The following LIMK1 variants were observed in gnomAD, a reference collection of about 807,000 sequenced individuals.
LIMK1 encodes the protein LIM motif-containing protein kinase.
A neutral mutation model predicts 77.6 loss-of-function variants in LIMK1; 21 were observed. The observed-to-expected ratio is 0.27, with a 90% confidence interval of 0.19 to 0.39. LIMK1 has a LOEUF of 0.39. LIMK1 is among the 10% of genes least tolerant of loss of function. LIMK1 has a pLI of 1.00. For missense variants in LIMK1, 696 were observed against 901.6 expected, an observed-to-expected ratio of 0.77 and a Z score of 2.92; for synonymous variants, 358 against 370.0, an observed-to-expected ratio of 0.97 and a Z score of 0.37.
chr7:74,095,062 A>G (rs1799312997), intron 2 of LIMK1, among the ~76,000 whole-genome samples: 1 of 152,122 alleles, frequency 6.6e-6, no homozygotes, highest in African/African-American at 2.4e-5. Flanking sequence ...CCTCAACCCC[A>G]GTTCCCTAGT....
At chr7:74,106,014 G>A (rs539393797) in intron 6 of LIMK1, 34 bp downstream of exon 6, 9 of 1,612,630 alleles carry the variant, frequency 5.6e-6, no homozygotes, top group Admixed American at 3.3e-5. Context: ...AGGACGGGAG[G>A]TAGTGCCTTC....
At chr7:74,108,065 G>C (rs892704595) in intron 9 of LIMK1, 108 bp downstream of exon 9, 1 of 802,814 alleles carries the variant, frequency 1.2e-6, no homozygotes, top group African/African-American at 1.7e-5. Context: ...AAAGAAGAGC[G>C]AGCAGGCCAG....
intron 2 of LIMK1, among the ~76,000 whole-genome samples, chr7:74,092,190 T>C (rs913728297): frequency 6.6e-6 from 1 of 151,962 alleles, no homozygotes; most frequent in Admixed American, 6.6e-5. Flanking sequence ...GGCCTCAAAC[T>C]CCTGACCTCA....
chr7:74,116,213 G>A (rs1304022829), intron 13 of LIMK1, among the ~76,000 whole-genome samples: 1 of 152,192 alleles, frequency 6.6e-6, no homozygotes, highest in African/African-American at 2.4e-5. Context: ...AGCCAACATG[G>A]TGAAACCCCC....
intron 14 of LIMK1, 78 bp downstream of exon 14, chr7:74,120,716 G>C: frequency 1.3e-6 from 2 of 1,568,608 alleles, no homozygotes; most frequent in Non-Finnish European, 1.8e-6. Context: ...CTCAGCATCT[G>C]CAGGGGCCTC....
intron 2 of LIMK1, among the ~76,000 whole-genome samples, chr7:74,095,368 G>T (rs547981325): frequency 6.6e-6 from 1 of 152,166 alleles, no homozygotes; most frequent in African/African-American, 2.4e-5. Flanking sequence ...ACCCAGGGGG[G>T]CACATGTGTG....
chr7:74,084,560 C>T (rs1006891119), intron 1 of LIMK1, among the ~76,000 whole-genome samples: 1 of 152,116 alleles, frequency 6.6e-6, no homozygotes, highest in Non-Finnish European at 1.5e-5. Context: ...TGATTGGGGG[C>T]CAGATGGGTA....
At chr7:74,084,568 G>C (rs1238834915) in intron 1 of LIMK1, among the ~76,000 whole-genome samples, 1 of 152,154 alleles carries the variant, frequency 6.6e-6, no homozygotes, top group African/African-American at 2.4e-5. Flanking sequence ...GGCCAGATGG[G>C]TAGAGCGGAG....
At position 74,115,897 on chromosome 7, in the gene LIMK1, C is replaced by T. The variant is rs1799799093; in HGVS notation, c.1506C>T (p.Asp502=). The change falls in exon 13 of 16, where the codon GAC becomes GAT. Residue 502 remains aspartate (D), a synonymous_variant. Transcript: ENST00000336180. Reference sequence around the variant, plus strand: ...GCCTGCGGAGCCTCAAGAAGCCAGACCGCAAGAAGCGCTACACCGTGGTGG... The same window carrying T: ...GCCTGCGGAGCCTCAAGAAGCCAGATCGCAAGAAGCGCTACACCGTGGTGG... ...PEGLRSLKKP[D]RKKRYTVVGN... 1.9e-6 allele frequency: 3 copies of T among 1,614,202 alleles called. No homozygotes were observed. Among genetic ancestry groups the T allele is most frequent in the East Asian group, 4.5e-5 (2 of 44,884 alleles).
intron 2 of LIMK1, among the ~76,000 whole-genome samples, chr7:74,091,878 C>T (rs188359519): frequency 1.4e-5 from 2 of 142,748 alleles, no homozygotes; most frequent in Non-Finnish European, 3.0e-5. Context: ...ACAAAGCCAG[C>T]GTGCGGGAGT....
intron 2 of LIMK1, among the ~76,000 whole-genome samples, 174 bp downstream of exon 2, chr7:74,086,018 C>T (rs868988293): frequency 6.6e-6 from 1 of 152,232 alleles, no homozygotes; most frequent in African/African-American, 2.4e-5. Flanking sequence ...AAAATCCCTA[C>T]AGGCCTTCCT....
At chr7:74,095,085 G>A in intron 2 of LIMK1, among the ~76,000 whole-genome samples, 1 of 152,160 alleles carries the variant, frequency 6.6e-6, no homozygotes, top group East Asian at 1.9e-4. Context: ...CAGTTAATTA[G>A]CATTAGCAGA....
At chr7:74,092,795 G>C (rs1799262367) in intron 2 of LIMK1, among the ~76,000 whole-genome samples, 1 of 152,190 alleles carries the variant, frequency 6.6e-6, no homozygotes, top group Non-Finnish European at 1.5e-5. Flanking sequence ...GGACCTTTTT[G>C]GCGAAGACAA....
chr7:74,101,968 C>A (rs1799467344), intron 5 of LIMK1, among the ~76,000 whole-genome samples: 1 of 152,078 alleles, frequency 6.6e-6, no homozygotes, highest in Non-Finnish European at 1.5e-5. Flanking sequence ...AGACTACAGG[C>A]ACACACCACC....
chr7:74,115,893 C>T lies in LIMK1; in HGVS notation c.1502C>T (p.Pro501Leu). The T allele has an allele frequency of 6.2e-7, 1 of 1,614,192 alleles. No individual in the cohort carries two copies. Among genetic ancestry groups the T allele is most frequent in the African/African-American group, 1.3e-5 (1 of 75,058 alleles). ...QPEGLRSLKKPDRKKRYTVVG... is the reference protein window; with the variant it reads ...QPEGLRSLKKLDRKKRYTVVG... Reference sequence around the variant, plus strand: ...GAGGGCCTGCGGAGCCTCAAGAAGCCAGACCGCAAGAAGCGCTACACCGTG... The same window carrying T: ...GAGGGCCTGCGGAGCCTCAAGAAGCTAGACCGCAAGAAGCGCTACACCGTG... Residue 501 changes from proline to leucine, a missense_variant, in exon 13 of 16, where the codon CCA becomes CTA. Physicochemically the swap from Pro to Leu is moderately conservative, Grantham distance 98. Around this residue, in one of 3 missense-constraint regions of LIMK1, gnomAD observed 438 missense variants for 602.3 expected, o/e 0.73. Transcript: ENST00000336180.
intron 5 of LIMK1, 143 bp from the exon 6 acceptor site, chr7:74,105,732 T>C (rs923677397): frequency 1.5e-5 from 9 of 612,662 alleles, no homozygotes; most frequent in Non-Finnish European, 2.6e-5. Flanking sequence ...CAGAACTCGG[T>C]GTTCTGGCCA....
chr7:74,120,795 C>G (rs1799918787), intron 14 of LIMK1, 97 bp from the exon 15 acceptor site: 1 of 1,565,358 alleles, frequency 6.4e-7, no homozygotes, highest in Admixed American at 1.7e-5. Context: ...AGGCTGCAGC[C>G]AGGCCCAGTG....
chr7:74,084,108 C>A, intron 1 of LIMK1, 63 bp downstream of exon 1: 2 of 917,126 alleles, frequency 2.2e-6, no homozygotes, highest in Non-Finnish European at 3.2e-6. Flanking sequence ...GCGTGGGGCA[C>A]GGGAGGGGGC....
chr7:74,085,471 C>T (rs1554693909), intron 1 of LIMK1, among the ~76,000 whole-genome samples: 1 of 152,230 alleles, frequency 6.6e-6, no homozygotes, highest in East Asian at 1.9e-4. Context: ...AGATCCAATG[C>T]TATAGCGGGA....
Sources: gnomAD v4.1 joint callset for allele counts (sites outside exome capture counted in the v4.1 genomes callset) on GRCh38, gnomAD v4.1.1 for gene constraint, gnomAD v4.1.1 regional missense constraint, MANE v1.5 for transcripts, NCBI Gene and HGNC (gene_info 2026-07-23, HGNC 2026-07-21) for gene names.